WASHC2A: variants seen among roughly 807,000 people sequenced by gnomAD.
WASHC2A encodes WASH complex subunit FAM21A.
In WASHC2A, 82 loss-of-function variants were observed where a neutral mutation model predicts 140.3. That is an observed-to-expected ratio of 0.58 (90% confidence interval 0.49 to 0.70). The LOEUF (loss-of-function observed/expected upper bound fraction) is 0.70, where lower values mean the gene tolerates loss of function less well. WASHC2A is among the 30% of genes least tolerant of loss of function. WASHC2A has a pLI of 0.00. For missense variants in WASHC2A, 985 were observed against 1,521.8 expected, an observed-to-expected ratio of 0.65 and a Z score of 5.87; for synonymous variants, 340 against 560.8, an observed-to-expected ratio of 0.61 and a Z score of 5.56.
chr10:50,094,590 G>A lies in WASHC2A; in HGVS notation c.1181-558G>A, dbSNP rs1353818993. On this transcript the variant is annotated intron_variant, in intron 13 of 30. Transcript: ENST00000282633. ...AGTGATTCTAAGTGCCGAGTCTCCCGGGCACAGGCATCAGAGCTGGGCCTT... is the reference window on the plus strand; with the variant it reads ...AGTGATTCTAAGTGCCGAGTCTCCCAGGCACAGGCATCAGAGCTGGGCCTT... 1.6e-4 allele frequency among the ~76,000 whole-genome samples: 25 copies of A among 152,212 alleles called. 1 individual carries two copies. Among genetic ancestry groups the A allele is most frequent in the Admixed American group, 6.5e-4 (10 of 15,284 alleles).
In WASHC2A at chr10:50,095,213, ATAACTTAGGTTTGTTTTC is replaced by A. The variant is rs1417147931; in HGVS notation, c.1240+10_1240+27del. The A allele has an allele frequency of 3.8e-6, 6 of 1,566,710 alleles. No homozygotes were observed. The African/African-American group carries it at 6.8e-5, about 18-fold the overall frequency. On this transcript the variant is annotated splice_region_variant and intron_variant, in intron 14 of 30. Coordinates refer to ENST00000282633, the MANE Select transcript of WASHC2A (RefSeq NM_001005751.3). ...AGCTGTTTCTGTATTTTTAGGTAACATAACTTAGGTTTGTTTTCTAAAAACTACACAAATACTGTTTTT... is the reference window on the plus strand; with the variant it reads ...AGCTGTTTCTGTATTTTTAGGTAACATAAAAACTACACAAATACTGTTTTT...
chr10:50,105,114 A>G (rs1189340051), intron 18 of WASHC2A, among the ~76,000 whole-genome samples: 2 of 152,102 alleles, frequency 1.3e-5, no homozygotes, highest in Non-Finnish European at 2.9e-5. Flanking sequence ...ATGGATCAAC[A>G]TATACCCAAT....
intron 20 of WASHC2A, among the ~76,000 whole-genome samples, chr10:50,112,736 G>T: frequency 6.6e-6 from 1 of 151,730 alleles, no homozygotes; most frequent in East Asian, 1.9e-4. Context: ...GAATAAAGTA[G>T]CGATGCATCC....
intron 2 of WASHC2A, among the ~76,000 whole-genome samples, chr10:50,068,436 A>C (rs1188797007): frequency 2.0e-5 from 3 of 151,190 alleles, no homozygotes; most frequent in African/African-American, 7.3e-5. Flanking sequence ...CCCAGACGCG[A>C]CGTTCCCTTC....
chr10:50,072,663 C>T (rs541822864), intron 3 of WASHC2A, among the ~76,000 whole-genome samples: 3,276 of 151,290 alleles, frequency 0.022, 129 homozygotes, highest in African/African-American at 0.075. Context: ...ATTTTTTTTG[C>T]ATTTTTAGTA....
chr10:50,095,469 A>G lies in WASHC2A; in HGVS notation c.1241-130A>G, dbSNP rs1255854954. 390 of 1,234,866 alleles carry G rather than the reference A, an allele frequency of 3.2e-4. 4 individuals carry two copies. In the African/African-American group the frequency reaches 5.3e-3, roughly 17 times the overall value. The allele number at this position is 1,234,866 out of a possible 1,614,324, so 76.5% of individuals were successfully genotyped here. ...TCTGTAGCAGTAATGGATGGAGGCT[A>G]TTGGGCCCTGTTATGCATTTTGTGG... On this transcript the variant is annotated intron_variant, in intron 14 of 30. Coordinates refer to ENST00000282633, the MANE Select transcript of WASHC2A (RefSeq NM_001005751.3).
In WASHC2A at chr10:50,133,177, T is replaced by G; in HGVS notation, c.*232T>G. ...TTTGTTTTGTTTTTAAACCACAGTT[T>G]GATTTAGTTAGCCTTGCTGGGGCCA... is the stretch of plus-strand genomic sequence containing the variant. On this transcript the variant is annotated 3_prime_UTR_variant, in exon 31 of 31. Transcript: ENST00000282633. 2 of 636,770 alleles carry G rather than the reference T, an allele frequency of 3.1e-6. No homozygotes were observed. The highest frequency in any genetic ancestry group is 5.6e-6 in the Non-Finnish European group (2 of 359,248). 39.4% of individuals were successfully genotyped at this position (636,770 alleles called of 1,614,324 possible). A position where few individuals can be genotyped will look rare whatever the true frequency, so the allele number is the denominator to read the frequency against.
chr10:50,099,315 A>T, intron 16 of WASHC2A, among the ~76,000 whole-genome samples: 1 of 147,756 alleles, frequency 6.8e-6, no homozygotes, highest in African/African-American at 2.5e-5. Context: ...TGTTGCCCAG[A>T]CTGGAGTGTA....
At chr10:50,109,723 T>C (rs1842105289) in intron 19 of WASHC2A, among the ~76,000 whole-genome samples, 1 of 152,332 alleles carries the variant, frequency 6.6e-6, no homozygotes, top group Non-Finnish European at 1.5e-5. Flanking sequence ...TTAACAAATA[T>C]AAGTTTGATT....
rs1554894940 is a variant in WASHC2A at position 50,126,159 on chromosome 10, T to C, written c.2791T>C (p.Trp931Arg). The change falls in exon 26 of 31, where the codon TGG becomes CGG. Residue 931 changes from tryptophan to arginine, a missense_variant. Trp to Arg is a moderately radical substitution (Grantham distance 101). Coordinates refer to ENST00000282633, the MANE Select transcript of WASHC2A (RefSeq NM_001005751.3). ...SIQGSKEKGI[W>R]KPETPQDSSG... ...TCAAGGTAGTAAAGAAAAAGGCATATGGAAGCCGGAAACACCTCAGGTTAG... is the reference window on the plus strand; with the variant it reads ...TCAAGGTAGTAAAGAAAAAGGCATACGGAAGCCGGAAACACCTCAGGTTAG... 1.2e-6 allele frequency: 2 copies of C among 1,613,570 alleles called. No homozygotes were observed. The highest frequency in any genetic ancestry group is 1.3e-5 in the African/African-American group (1 of 74,974).
Position 50,110,243 on chromosome 10 carries a change from A to T in WASHC2A, c.2012A>T (p.Asp671Val), listed in dbSNP as rs1842166312. The change falls in exon 20 of 31, where the codon GAT (aspartate) becomes GTT (valine). Residue 671 changes from aspartate (D) to valine (V), a missense_variant. Transcript: ENST00000282633. ...AGTCTCTTTGAGGAAGACGAAGAAGATGATCTTTTTGCCATTGCCAAGGAC... is the reference window on the plus strand; with the variant it reads ...AGTCTCTTTGAGGAAGACGAAGAAGTTGATCTTTTTGCCATTGCCAAGGAC... Reference protein sequence around the residue: ...KTSLFEEDEEDDLFAIAKDSQ... With the variant: ...KTSLFEEDEEVDLFAIAKDSQ... 1 of 1,611,888 alleles carries T rather than the reference A, an allele frequency of 6.2e-7. No individual in the cohort carries two copies. The highest frequency in any genetic ancestry group is 1.7e-5 in the Admixed American group (1 of 60,000).
intron 18 of WASHC2A, among the ~76,000 whole-genome samples, chr10:50,104,538 A>T (rs868973585): frequency 6.6e-6 from 1 of 150,952 alleles, no homozygotes; most frequent in Non-Finnish European, 1.5e-5. Context: ...TGTATTGTTA[A>T]TAGAGACAGG....
chr10:50,115,947 C>T (rs1842634453), intron 21 of WASHC2A, among the ~76,000 whole-genome samples: 1 of 152,046 alleles, frequency 6.6e-6, no homozygotes, highest in African/African-American at 2.4e-5. Context: ...GGAACCCCAT[C>T]TCTATTAAAA....
intron 3 of WASHC2A, among the ~76,000 whole-genome samples, chr10:50,076,920 C>A (rs4935072): frequency 0.86 from 126,536 of 147,832 alleles, 56,424 homozygotes; most frequent in East Asian, 0.97. Flanking sequence ...TGAGACCATC[C>A]TGGTTAACAT....
chr10:50,093,985 T>C (rs1235759623), intron 13 of WASHC2A, 68 bp downstream of exon 13: 3 of 1,604,492 alleles, frequency 1.9e-6, no homozygotes, highest in African/African-American at 1.3e-5. Context: ...CACTAGGAGA[T>C]GGAACAAGGT....
rs1259582740 is a variant in WASHC2A, at chr10:50,091,486, A to G, written c.899A>G (p.Asp300Gly). The change falls in exon 10 of 31, where the codon GAT (aspartate) becomes GGT (glycine). Residue 300 changes from aspartate (D) to glycine (G), a missense_variant. Coordinates refer to ENST00000282633, the MANE Select transcript of WASHC2A (RefSeq NM_001005751.3). The part of the protein sequence containing the change: ...ADELAARIKG[D>G]AVGRVDEEPT... ...GAGCTGGCTGCCCGCATCAAGGGGG[A>G]TGCCGTGGGTCGAGTGGACGAGGAG... 2.3e-5 allele frequency: 36 copies of G among 1,550,546 alleles called. 1 individual carries two copies. The East Asian group carries it at 8.5e-4, about 37-fold the overall frequency.
At chr10:50,099,269 CTTT>C (rs1295300009) in intron 16 of WASHC2A, among the ~76,000 whole-genome samples, 5 of 136,150 alleles carry the variant, frequency 3.7e-5, no homozygotes, top group Non-Finnish European at 3.2e-5. Context: ...CATTCTTCTT[CTTT>C]TTTTTTTTTT....
In WASHC2A at chr10:50,091,532, G is replaced by T. The variant is rs1436280067; in HGVS notation, c.931+14G>T. On this transcript the variant is annotated intron_variant, in intron 10 of 30. Transcript: ENST00000282633. ...AGGAGCCGACAAGTGAGCCCCAGCC[G>T]CGTTGATGGGGAGTAGGGGGGGAGT... is the stretch of plus-strand genomic sequence containing the variant. 3.5e-4 allele frequency: 537 copies of T among 1,549,306 alleles called. No individual in the cohort carries two copies. Among genetic ancestry groups the T allele is most frequent in the Non-Finnish European group, 4.1e-4 (474 of 1,146,500 alleles).
At chr10:50,089,938 C>T (rs1180637329) in intron 8 of WASHC2A, among the ~76,000 whole-genome samples, 3 of 151,760 alleles carry the variant, frequency 2.0e-5, no homozygotes, top group Non-Finnish European at 1.5e-5. Context: ...GGTGAAACCC[C>T]GTCTCTACCA....
Sources: gnomAD v4.1 joint callset for allele counts (sites outside exome capture counted in the v4.1 genomes callset) on GRCh38, gnomAD v4.1.1 for gene constraint, MANE v1.5 for transcripts, NCBI Gene and HGNC (gene_info 2026-07-23, HGNC 2026-07-21) for gene names.